The following UBOX5 variants were observed in gnomAD, a reference collection of about 807,000 sequenced individuals.
The protein encoded by UBOX5 is RING finger protein 37.
In UBOX5, 28 loss-of-function variants were observed where a neutral mutation model predicts 39.0. That is an observed-to-expected ratio of 0.72 (90% CI 0.53 to 0.98). The LOEUF (loss-of-function observed/expected upper bound fraction) is 0.98. Among genes scored for constraint, UBOX5 ranks in the 50% least tolerant of loss-of-function variants. The probability of loss-of-function intolerance (pLI) is 0.00; values close to 1 mark genes in which losing one functional copy is unlikely to be tolerated. For synonymous variants in UBOX5, 283 were observed against 275.5 expected (o/e 1.03, Z -0.27); for missense variants, 585 against 674.4 (o/e 0.87, Z 1.47).
chr20:3,108,129 A>G lies in UBOX5; in HGVS notation c.*1977T>C, dbSNP rs1056509699. ...GCTGGGGCTTTTTTCTTTTTTTGAG[A>G]GGGAGTCTCACTCCGTCGCCCAGGC... is the stretch of plus-strand genomic sequence containing the variant. On this transcript the variant is annotated 3_prime_UTR_variant, in exon 5 of 5. Transcript: ENST00000217173. 1 of 151,506 alleles carries G rather than the reference A, an allele frequency of 6.6e-6. No individual in the cohort carries two copies. Among genetic ancestry groups the G allele is most frequent in the African/African-American group, 2.4e-5 (1 of 41,116 alleles). The allele number at this position is 151,506 out of a possible 1,614,324, so 9.4% of individuals were successfully genotyped here.
At chr20:3,147,281 T>A in intron 1 of UBOX5, 1 of 1,614,208 alleles carries the variant, frequency 6.2e-7, no homozygotes, top group Non-Finnish European at 8.5e-7. Context: ...TGGCTTCAGG[T>A]TAACATCAAG....
intron 1 of UBOX5, among the ~76,000 whole-genome samples, chr20:3,124,696 A>C (rs1333960396): frequency 4.5e-4 from 42 of 92,478 alleles, no homozygotes; most frequent in Non-Finnish European, 5.5e-4. Flanking sequence ...CCCGGCCGCC[A>C]CCCTGTCTGG....
intron 1 of UBOX5, among the ~76,000 whole-genome samples, chr20:3,143,145 T>C (rs998124487): frequency 2.1e-5 from 3 of 143,798 alleles, no homozygotes; most frequent in Non-Finnish European, 4.5e-5. Context: ...TCTGGCTCTG[T>C]TACCCAGGCT....
chr20:3,124,744 G>C (rs996249869), intron 1 of UBOX5, among the ~76,000 whole-genome samples: 2 of 150,802 alleles, frequency 1.3e-5, no homozygotes, highest in Non-Finnish European at 3.0e-5. Flanking sequence ...CCCTGTCTGG[G>C]AGGTGAGGAG....
rs113241293 is a variant in UBOX5, at chr20:3,133,756, T to TGGG, written c.-41-10353_-41-10351dup. 3.0e-3 allele frequency among the ~76,000 whole-genome samples: 443 copies of TGGG among 147,886 alleles called. 1 individual carries two copies. The highest frequency in any genetic ancestry group is 0.01 in the African/African-American group (416 of 40,000). ...AGCTCTTTTTTTTTCTTATTTTTTT[T>TGGG]GGGGGGGGGAAACAGGCTCTCACTC... is the stretch of plus-strand genomic sequence containing the variant. On this transcript the variant is annotated intron_variant, in intron 1 of 4. Coordinates refer to ENST00000217173, the MANE Select transcript of UBOX5 (RefSeq NM_014948.4).
At chr20:3,110,379 G>C in intron 4 of UBOX5, 65 bp from the exon 5 acceptor site, 1 of 1,571,286 alleles carries the variant, frequency 6.4e-7, no homozygotes, top group South Asian at 1.1e-5. Flanking sequence ...AGGCTGCTCT[G>C]AGGGGCAGAG....
At chr20:3,145,733 G>A (rs1274029277) in intron 1 of UBOX5, among the ~76,000 whole-genome samples, 2 of 152,130 alleles carry the variant, frequency 1.3e-5, no homozygotes, top group Non-Finnish European at 1.5e-5. Context: ...ACCACATCCA[G>A]CATGAGATTC....
intron 4 of UBOX5, 145 bp from the exon 5 acceptor site, chr20:3,110,459 G>A: frequency 1.1e-6 from 1 of 931,356 alleles, no homozygotes; most frequent in African/African-American, 1.6e-5. Flanking sequence ...ATCAGGTAGG[G>A]GAGTGGAAGC....
chr20:3,146,971 C>T (rs776122804), intron 1 of UBOX5: 2 of 1,614,078 alleles, frequency 1.2e-6, no homozygotes, highest in Admixed American at 1.7e-5. Context: ...TGTTTGTGAA[C>T]TGAACAGCCA....
intron 1 of UBOX5, among the ~76,000 whole-genome samples, chr20:3,158,586 T>C (rs1178340758): frequency 1.3e-5 from 2 of 152,154 alleles, no homozygotes; most frequent in Admixed American, 1.3e-4. Flanking sequence ...GCCACGCTCC[T>C]GCCTCAGCCT....
intron 1 of UBOX5, among the ~76,000 whole-genome samples, chr20:3,155,596 G>A (rs1215553199): frequency 6.6e-6 from 1 of 151,956 alleles, no homozygotes; most frequent in African/African-American, 2.4e-5. Flanking sequence ...TGAACTATTT[G>A]ACTGTTTAAA....
In UBOX5 at chr20:3,122,147, A is replaced by C. The variant is rs202082016; in HGVS notation, c.492T>G (p.Ala164=). Reference sequence around the variant, plus strand: ...AGTGGGCCACGTGGCTAAGGGAAAGAGCCCCTTTATTCCAGAGCTCCTGGG... The same window carrying C: ...AGTGGGCCACGTGGCTAAGGGAAAGCGCCCCTTTATTCCAGAGCTCCTGGG... ...VVAQELWNKG[A]LSLSHVAHLR... Residue 164 remains alanine, a synonymous_variant, in exon 3 of 5, where the codon GCT becomes GCG. Coordinates refer to ENST00000217173, the MANE Select transcript of UBOX5 (RefSeq NM_014948.4). The C allele has an allele frequency of 3.2e-5, 51 of 1,614,090 alleles. No homozygotes were observed. Among genetic ancestry groups the C allele is most frequent in the Non-Finnish European group, 4.2e-5 (49 of 1,180,044 alleles).
chr20:3,117,315 ACACACACACACAC>A (rs1257706138), intron 3 of UBOX5, among the ~76,000 whole-genome samples: 1 of 150,808 alleles, frequency 6.6e-6, no homozygotes, highest in Non-Finnish European at 1.5e-5. Flanking sequence ...ACACACACAC[ACACACACACACAC>A]TACAGTCCAA....
chr20:3,143,080 G>A (rs2066531345), intron 1 of UBOX5, among the ~76,000 whole-genome samples: 1 of 143,742 alleles, frequency 7.0e-6, no homozygotes, highest in African/African-American at 2.5e-5. Flanking sequence ...AAGCACAATA[G>A]CAGGTTAATC....
chr20:3,135,422 A>C (rs929917862), intron 1 of UBOX5, among the ~76,000 whole-genome samples: 1 of 152,184 alleles, frequency 6.6e-6, no homozygotes, highest in Non-Finnish European at 1.5e-5. Context: ...AGGCTGGTTC[A>C]GGAGATGCTG....
intron 1 of UBOX5, chr20:3,148,428 T>C: frequency 6.2e-7 from 1 of 1,614,114 alleles, no homozygotes; most frequent in Non-Finnish European, 8.5e-7. Context: ...ATTCCTAAAA[T>C]GACAAAAGCT....
In UBOX5 at chr20:3,108,936, TAAAAAAA is replaced by T. The variant is rs11480926; in HGVS notation, c.*1163_*1169del. 4.9e-5 allele frequency: 6 copies of T among 122,236 alleles called. No homozygotes were observed. Among genetic ancestry groups the T allele is most frequent in the African/African-American group, 1.9e-4 (6 of 31,834 alleles). The allele number at this position is 122,236 out of a possible 1,614,324, so 7.6% of individuals were successfully genotyped here. A position where few individuals can be genotyped will look rare whatever the true frequency, so the allele number is the denominator to read the frequency against. ...CAACAGAGACCAACCCTGTCTCAATTAAAAAAAAAAAAAAAAAAGCAACTAACCCCAA... is the reference window on the plus strand; with the variant it reads ...CAACAGAGACCAACCCTGTCTCAATTAAAAAAAAAAAGCAACTAACCCCAA... On this transcript the variant is annotated 3_prime_UTR_variant, in exon 5 of 5. Transcript: ENST00000217173.
intron 1 of UBOX5, among the ~76,000 whole-genome samples, chr20:3,142,291 ATC>A (rs1283269849): frequency 6.6e-6 from 1 of 151,472 alleles, no homozygotes; most frequent in Non-Finnish European, 1.5e-5. Flanking sequence ...GTGAAACCCC[ATC>A]TCTACTAAAA....
rs372657011 is a variant in UBOX5 at position 3,122,049 on chromosome 20, G to A, written c.590C>T (p.Pro197Leu). 4.2e-5 allele frequency: 68 copies of A among 1,614,102 alleles called. No homozygotes were observed. The highest frequency in any genetic ancestry group is 5.3e-5 in the Non-Finnish European group (63 of 1,180,052). ...CACTTCCTGGGAGCAGGTCTTGGCC[G>A]GCTGACCCCACACTTCCAACCGCTT... Reference protein sequence around the residue: ...CIKRLEVWGQPAKTCSQEVID... With the variant: ...CIKRLEVWGQLAKTCSQEVID... Residue 197 changes from proline to leucine, a missense_variant, in exon 3 of 5, where the codon CCG (proline) becomes CTG (leucine). Pro to Leu is a moderately conservative substitution (Grantham distance 98). Transcript: ENST00000217173.
Sources: gnomAD v4.1 joint callset for allele counts (sites outside exome capture counted in the v4.1 genomes callset) on GRCh38, gnomAD v4.1.1 for gene constraint, MANE v1.5 for transcripts, NCBI Gene and HGNC (gene_info 2026-07-23, HGNC 2026-07-21) for gene names.